The following DAAM2 variants were observed in gnomAD, a reference collection of about 807,000 sequenced individuals.
DAAM2 encodes the protein disheveled-associated activator of morphogenesis 2.
DAAM2 carries 39 observed loss-of-function variants against 120.7 expected under a neutral mutation model. The ratio of observed to expected loss-of-function variants is 0.32; its 90% CI spans 0.25 to 0.42. The LOEUF (loss-of-function observed/expected upper bound fraction) is 0.42, where lower values mean the gene tolerates loss of function less well. Among genes scored for constraint, DAAM2 ranks in the 10% least tolerant of loss-of-function variants. DAAM2 has a pLI of 1.00. For missense variants in DAAM2, 1,283 were observed against 1,401.7 expected, an observed-to-expected ratio of 0.92 and a Z score of 1.35; for synonymous variants, 488 against 524.9, an observed-to-expected ratio of 0.93 and a Z score of 0.96.
At chr6:39,854,285 C>T (rs541904974) in intron 1 of DAAM2, among the ~76,000 whole-genome samples, 43 of 152,254 alleles carry the variant, frequency 2.8e-4, no homozygotes, top group Non-Finnish European at 5.6e-4. Flanking sequence ...GGTCATTTCC[C>T]AAATGGTCAA....
intron 2 of DAAM2, among the ~76,000 whole-genome samples, chr6:39,857,058 C>T (rs1764036952): frequency 6.6e-6 from 1 of 152,226 alleles, no homozygotes; most frequent in East Asian, 1.9e-4. Flanking sequence ...CCAGCCTGTG[C>T]TGATTCCGCA....
intron 16 of DAAM2, 107 bp downstream of exon 16, chr6:39,887,699 G>A (rs1765459396): frequency 4.0e-6 from 3 of 740,858 alleles, no homozygotes; most frequent in African/African-American, 1.9e-5. Flanking sequence ...TCCCCTGGGA[G>A]GGGCAGGCAT....
At chr6:39,866,925 G>A (rs902818519) in intron 5 of DAAM2, among the ~76,000 whole-genome samples, 14 of 152,218 alleles carry the variant, frequency 9.2e-5, no homozygotes, top group African/African-American at 3.4e-4. Flanking sequence ...AAATAAAAAT[G>A]TAATTTTCTT....
At chr6:39,870,479 T>C in intron 8 of DAAM2, 36 bp downstream of exon 8, 1 of 1,337,872 alleles carries the variant, frequency 7.5e-7, no homozygotes, top group East Asian at 2.5e-5. Context: ...TGCAAACCTG[T>C]GGGGACAGTG....
chr6:39,884,271 C>T lies in DAAM2; in HGVS notation c.1953+202C>T. 3 of 524,084 alleles carry T rather than the reference C, an allele frequency of 5.7e-6. No individual in the cohort carries two copies. The East Asian group carries it at 8.8e-5, about 15-fold the overall frequency. The allele number at this position is 524,084 out of a possible 1,614,324, so 32.5% of individuals were successfully genotyped here. On this transcript the variant is annotated intron_variant, in intron 15 of 24. Transcript: ENST00000274867. ...TTCTTTATGAGGTGATGATTTTATT[C>T]TTGCTGAGGATGTAGGTATGAAGTA...
At chr6:39,821,111 T>C (rs985637591) in intron 1 of DAAM2, 5 of 152,282 alleles carry the variant, frequency 3.3e-5, no homozygotes, top group Non-Finnish European at 7.3e-5. Context: ...CCTCCCTTGC[T>C]CCTTCCTTTC....
chr6:39,828,656 G>C (rs572910096), intron 1 of DAAM2, among the ~76,000 whole-genome samples: 2 of 148,260 alleles, frequency 1.3e-5, no homozygotes, highest in African/African-American at 5.0e-5. Context: ...TCTGCCTCCC[G>C]GGTTCAAGTG....
chr6:39,902,246 C>A lies in DAAM2; in HGVS notation c.*209C>A. ...TTATCTCCCCTTCACATGATTCCTT[C>A]TGTGCCCTGGCCCCAGGTATTATTC... On this transcript the variant is annotated 3_prime_UTR_variant, in exon 25 of 25. Transcript: ENST00000274867. The A allele has an allele frequency of 2.2e-6, 1 of 452,326 alleles. No individual in the cohort carries two copies. Among genetic ancestry groups the A allele is most frequent in the Non-Finnish European group, 3.9e-6 (1 of 257,770 alleles). The allele number at this position is 452,326 out of a possible 1,614,324, so 28.0% of individuals were successfully genotyped here.
At chr6:39,806,159 G>T (rs1582596764) in intron 1 of DAAM2, among the ~76,000 whole-genome samples, 2 of 152,186 alleles carry the variant, frequency 1.3e-5, no homozygotes, top group African/African-American at 4.8e-5. Context: ...ATTGCTATAA[G>T]AGGGAGATGC....
chr6:39,869,377 G>A (rs1764560217), intron 7 of DAAM2, among the ~76,000 whole-genome samples: 1 of 152,122 alleles, frequency 6.6e-6, no homozygotes, highest in Non-Finnish European at 1.5e-5. Context: ...CTGAGGTCAG[G>A]AGTTTGAGAC....
At chr6:39,837,491 C>T (rs1180380293) in intron 1 of DAAM2, among the ~76,000 whole-genome samples, 2 of 151,644 alleles carry the variant, frequency 1.3e-5, no homozygotes, top group Non-Finnish European at 2.9e-5. Flanking sequence ...GATGAAACCC[C>T]GTCTCTACTA....
chr6:39,897,213 A>G lies in DAAM2; in HGVS notation c.2549A>G (p.Glu850Gly), dbSNP rs1043945554. ...SLLHYLIMIL[E>G]KHFPDILNMP... ...CTCCATTACCTGATCATGATCCTGGAGAAGCATTTTCCTGATATTCTAAAC... is the reference window on the plus strand; with the variant it reads ...CTCCATTACCTGATCATGATCCTGGGGAAGCATTTTCCTGATATTCTAAAC... Residue 850 changes from glutamate (E) to glycine (G), a missense_variant, in exon 21 of 25, where the codon GAG becomes GGG. Physicochemically the swap from Glu to Gly is moderately conservative, Grantham distance 98. Around this residue, in one of 3 missense-constraint regions of DAAM2, gnomAD observed 748 missense variants for 768.6 expected, o/e 0.97. Transcript: ENST00000274867. 2 of 1,613,838 alleles carry G rather than the reference A, an allele frequency of 1.2e-6. No individual in the cohort carries two copies. Among genetic ancestry groups the G allele is most frequent in the African/African-American group, 1.3e-5 (1 of 75,014 alleles).
intron 21 of DAAM2, 30 bp downstream of exon 21, chr6:39,897,312 C>T: frequency 2.2e-6 from 3 of 1,344,800 alleles, no homozygotes; most frequent in Non-Finnish European, 3.2e-6. Flanking sequence ...CTTCCTTCTC[C>T]CCATGATGAC....
chr6:39,833,520 C>T (rs943003057), intron 1 of DAAM2, among the ~76,000 whole-genome samples: 3 of 152,156 alleles, frequency 2.0e-5, no homozygotes, highest in African/African-American at 4.8e-5. Context: ...GTTGGCCAGG[C>T]TGGTCTCGAA....
In DAAM2 at chr6:39,901,535, C is replaced by T. The variant is rs940096417; in HGVS notation, c.2982+63C>T. On this transcript the variant is annotated intron_variant, in intron 24 of 24. Transcript: ENST00000274867. The surrounding 1 kb of genome is among the most constrained non-coding windows in gnomAD (Gnocchi z 4.5). ...GGGTGCTACTTGGGGAGAACACCCC[C>T]AAACTGGGGTGTGTGGGAGGAGGGC... The T allele has an allele frequency of 2.0e-6, 3 of 1,515,746 alleles. No homozygotes were observed. The highest frequency in any genetic ancestry group is 2.7e-6 in the Non-Finnish European group (3 of 1,123,032). 93.9% of individuals were successfully genotyped at this position (1,515,746 alleles called of 1,614,324 possible). A position where few individuals can be genotyped will look rare whatever the true frequency, so the allele number is the denominator to read the frequency against.
chr6:39,846,674 T>C (rs776968512), intron 1 of DAAM2, among the ~76,000 whole-genome samples: 3 of 150,112 alleles, frequency 2.0e-5, no homozygotes, highest in Non-Finnish European at 3.0e-5. Context: ...ACCTTTGTAC[T>C]TCCCTTATCA....
chr6:39,829,127 A>G (rs970892597), intron 1 of DAAM2, among the ~76,000 whole-genome samples: 3 of 152,242 alleles, frequency 2.0e-5, no homozygotes, highest in Non-Finnish European at 4.4e-5. Flanking sequence ...CCCAGGGACC[A>G]GCTTCACGGG....
At chr6:39,842,160 C>T (rs961040162) in intron 1 of DAAM2, among the ~76,000 whole-genome samples, 8 of 152,128 alleles carry the variant, frequency 5.3e-5, no homozygotes, top group Non-Finnish European at 7.3e-5. Flanking sequence ...CATGAAGGTT[C>T]ATTCCTGGGG....
chr6:39,887,952 C>T (rs944678571), intron 16 of DAAM2: 4 of 219,286 alleles, frequency 1.8e-5, no homozygotes, highest in African/African-American at 4.6e-5. Context: ...AGCTTCTGTA[C>T]GGGGGGGCCT....
Sources: allele counts gnomAD v4.1 joint callset (sites outside exome capture counted in the v4.1 genomes callset), GRCh38; gene constraint gnomAD v4.1.1; regional missense constraint gnomAD v4.1.1; non-coding constraint Gnocchi (gnomAD v3.1); transcripts MANE v1.5; gene names NCBI Gene and HGNC (gene_info 2026-07-23, HGNC 2026-07-21).